The following NLGN1 variants were observed in gnomAD, a reference collection of about 807,000 sequenced individuals.
The protein encoded by NLGN1 is neuroligin-1.
A neutral mutation model predicts 65.5 loss-of-function variants in NLGN1; 12 were observed. The observed-to-expected ratio is 0.18, with a 90% CI of 0.12 to 0.30. The LOEUF (loss-of-function observed/expected upper bound fraction) is 0.30. NLGN1 is among the 10% of genes least tolerant of loss of function. The pLI, the probability that NLGN1 is intolerant of heterozygous loss-of-function variation, is 1.00. For missense variants in NLGN1, 750 were observed against 1,007.1 expected, an observed-to-expected ratio of 0.74 and a Z score of 3.46; for synonymous variants, 350 against 359.5, an observed-to-expected ratio of 0.97 and a Z score of 0.30.
At chr3:173,601,097 A>C (rs544212621) in intron 2 of NLGN1, among the ~76,000 whole-genome samples, 1 of 152,008 alleles carries the variant, frequency 6.6e-6, no homozygotes, top group Non-Finnish European at 1.5e-5. Context: ...GAAATTTATG[A>C]GCTAGTATCC....
Position 173,722,624 on chromosome 3 carries a change from G to A in NLGN1, c.494-85056G>A, listed in dbSNP as rs566413774. Among the ~76,000 whole-genome samples, 3 of 152,174 alleles carry A rather than the reference G, an allele frequency of 2.0e-5. No homozygotes were observed. The South Asian group carries it at 6.2e-4, about 32-fold the overall frequency. On this transcript the variant is annotated intron_variant, in intron 3 of 6. Coordinates refer to ENST00000457714, the Ensembl canonical transcript of NLGN1. The stretch of plus-strand genomic sequence containing the variant: ...GAGAAACAATAAGGGAAGGTTCATT[G>A]TGCAGGCACTGCAGCCACATCAAAT...
chr3:173,873,039 G>A (rs1360759251), intron 4 of NLGN1, among the ~76,000 whole-genome samples: 3 of 151,974 alleles, frequency 2.0e-5, no homozygotes, highest in South Asian at 2.1e-4. Flanking sequence ...GGGCTGGCAC[G>A]TGAAGGAACT....
At chr3:174,233,410 C>A (rs1254777113) in intron 4 of NLGN1, among the ~76,000 whole-genome samples, 1 of 151,750 alleles carries the variant, frequency 6.6e-6, no homozygotes, top group African/African-American at 2.4e-5. Context: ...CGCTTGAACC[C>A]GGGAGGCAGA....
At chr3:174,099,331 A>G (rs1376589079) in intron 4 of NLGN1, among the ~76,000 whole-genome samples, 1 of 152,136 alleles carries the variant, frequency 6.6e-6, no homozygotes, top group Non-Finnish European at 1.5e-5. Flanking sequence ...TAAAATTGCA[A>G]TATTATTTGC....
chr3:173,848,467 C>A (rs1415543286), intron 4 of NLGN1, among the ~76,000 whole-genome samples: 1 of 152,162 alleles, frequency 6.6e-6, no homozygotes, highest in Admixed American at 6.5e-5. Flanking sequence ...GTTTAGACAT[C>A]TTCAAGTTAT....
intron 3 of NLGN1, among the ~76,000 whole-genome samples, chr3:173,661,604 A>G (rs558003057): frequency 6.6e-6 from 1 of 151,994 alleles, no homozygotes; most frequent in African/African-American, 2.4e-5. Context: ...TTGATTAGGT[A>G]TTTGGCCTGT....
At chr3:173,427,451 T>G (rs922126828) in intron 1 of NLGN1, among the ~76,000 whole-genome samples, 1 of 151,978 alleles carries the variant, frequency 6.6e-6, no homozygotes, top group Non-Finnish European at 1.5e-5. Context: ...CATTTATTGC[T>G]GTAAACTTTT....
intron 4 of NLGN1, among the ~76,000 whole-genome samples, chr3:173,879,925 A>G (rs114858504): frequency 0.011 from 1,718 of 152,312 alleles, 36 homozygotes; most frequent in African/African-American, 0.036. Flanking sequence ...ATTTTAAAAT[A>G]CTTTGAGCAT....
intron 4 of NLGN1, among the ~76,000 whole-genome samples, chr3:173,847,775 G>C (rs1465278809): frequency 6.6e-6 from 1 of 152,142 alleles, no homozygotes; most frequent in Non-Finnish European, 1.5e-5. Context: ...AGGAAGCTGA[G>C]TGGGGAGAAT....
chr3:174,125,346 T>C (rs1718706120), intron 4 of NLGN1, among the ~76,000 whole-genome samples: 1 of 152,136 alleles, frequency 6.6e-6, no homozygotes, highest in South Asian at 2.1e-4. Context: ...ATTTAAAATA[T>C]ATTTAAGAGG....
At chr3:173,883,176 GAC>G (rs1265109825) in intron 4 of NLGN1, among the ~76,000 whole-genome samples, 2 of 151,626 alleles carry the variant, frequency 1.3e-5, no homozygotes, top group Non-Finnish European at 2.9e-5. Flanking sequence ...ATTAAAGTGA[GAC>G]ATGTGTGACT....
intron 4 of NLGN1, among the ~76,000 whole-genome samples, chr3:173,834,204 TTCTA>T (rs1457969295): frequency 2.0e-5 from 3 of 152,188 alleles, no homozygotes; most frequent in Non-Finnish European, 4.4e-5. Flanking sequence ...TTCCATTCTG[TTCTA>T]TCTTTTAAAT....
At chr3:174,105,696 G>GATATCTATATCTATATCTAGATATAT (rs1553934554) in intron 4 of NLGN1, among the ~76,000 whole-genome samples, 39 of 151,846 alleles carry the variant, frequency 2.6e-4, no homozygotes, top group South Asian at 4.2e-4. Context: ...TGTAGATATA[G>GATATCTATATCTATATCTAGATATAT]ATATCTATAT....
At chr3:174,065,395 A>G (rs1373401786) in intron 4 of NLGN1, among the ~76,000 whole-genome samples, 1 of 152,152 alleles carries the variant, frequency 6.6e-6, no homozygotes, top group Non-Finnish European at 1.5e-5. Flanking sequence ...ACTCTTTGTC[A>G]ATTATTTGAT....
At chr3:173,862,739 GATAAT>G (rs982362075) in intron 4 of NLGN1, among the ~76,000 whole-genome samples, 31 of 151,830 alleles carry the variant, frequency 2.0e-4, no homozygotes, top group African/African-American at 7.3e-4. Context: ...TCAATGCATT[GATAAT>G]ATAATAAAAT....
intron 3 of NLGN1, among the ~76,000 whole-genome samples, chr3:173,730,474 G>A (rs934135762): frequency 6.6e-6 from 1 of 151,852 alleles, no homozygotes; most frequent in Non-Finnish European, 1.5e-5. Context: ...TTCAACAAGC[G>A]ATCATTGTGA....
At chr3:173,424,802 A>G (rs1715799865) in intron 1 of NLGN1, among the ~76,000 whole-genome samples, 1 of 152,124 alleles carries the variant, frequency 6.6e-6, no homozygotes. Context: ...ACTTTCCCAT[A>G]TCCTCCTGCC....
rs866995528 is a variant in NLGN1, at chr3:173,849,183, C to A, written c.646+41351C>A. On this transcript the variant is annotated intron_variant, in intron 4 of 6. Transcript: ENST00000457714. ...TTTTGCGTAGGGGGTAGTGTTATATCTTTTCTTTTAAATTAATGACGGTAT... is the reference window on the plus strand; with the variant it reads ...TTTTGCGTAGGGGGTAGTGTTATATATTTTCTTTTAAATTAATGACGGTAT... Among the ~76,000 whole-genome samples, 6 of 152,118 alleles carry A rather than the reference C, an allele frequency of 3.9e-5. No individual in the cohort carries two copies. In the South Asian group the frequency reaches 8.3e-4, roughly 21 times the overall value.
intron 4 of NLGN1, among the ~76,000 whole-genome samples, chr3:174,270,021 T>G (rs1749043694): frequency 6.6e-6 from 1 of 151,770 alleles, no homozygotes; most frequent in South Asian, 2.1e-4. Context: ...TTAGGTTATT[T>G]GGGTTTTTTG....
Sources: gnomAD v4.1 joint callset for allele counts (sites outside exome capture counted in the v4.1 genomes callset) on GRCh38, gnomAD v4.1.1 for gene constraint, MANE v1.5 for transcripts, NCBI Gene and HGNC (gene_info 2026-07-23, HGNC 2026-07-21) for gene names.